The following GOLGA5 variants were observed in gnomAD, a reference collection of about 807,000 sequenced individuals.
The protein encoded by GOLGA5 is golgin A5.
In GOLGA5, 50 loss-of-function variants were observed where a neutral mutation model predicts 93.5. That is an observed-to-expected ratio of 0.53 (90% CI 0.43 to 0.68). The LOEUF (loss-of-function observed/expected upper bound fraction) is 0.68, where lower values mean the gene tolerates loss of function less well. Ranked by LOEUF, GOLGA5 falls within the 30% of genes least tolerant of loss-of-function variation. The pLI is 0.00. For synonymous variants in GOLGA5, 312 were observed against 304.5 expected (o/e 1.02, Z -0.26); for missense variants, 760 against 856.4 (o/e 0.89, Z 1.40).
At chr14:92,805,174 C>T (rs1884958785) in intron 2 of GOLGA5, among the ~76,000 whole-genome samples, 1 of 151,208 alleles carries the variant, frequency 6.6e-6, no homozygotes, top group African/African-American at 2.5e-5. Context: ...AATCTCCTCA[C>T]CCCGTCCCTG....
chr14:92,813,630 G>A (rs986949578), intron 6 of GOLGA5, among the ~76,000 whole-genome samples: 1 of 152,166 alleles, frequency 6.6e-6, no homozygotes, highest in Middle Eastern at 3.2e-3. Flanking sequence ...AAAGTTCAAC[G>A]GCAGGCAGAA....
intron 9 of GOLGA5, among the ~76,000 whole-genome samples, chr14:92,826,338 G>A (rs921069682): frequency 6.6e-6 from 1 of 150,706 alleles, no homozygotes; most frequent in Admixed American, 6.6e-5. Flanking sequence ...GATTTATTCT[G>A]AATGAACAAT....
At chr14:92,798,271 AT>A (rs1218881265) in intron 2 of GOLGA5, among the ~76,000 whole-genome samples, 2 of 152,196 alleles carry the variant, frequency 1.3e-5, no homozygotes, top group Non-Finnish European at 2.9e-5. Context: ...AAAAAAGAAA[AT>A]TTTGAAATCT....
intron 3 of GOLGA5, among the ~76,000 whole-genome samples, chr14:92,808,328 T>C (rs1885033291): frequency 6.6e-6 from 1 of 151,740 alleles, no homozygotes; most frequent in African/African-American, 2.4e-5. Context: ...CCCACACTAA[T>C]TTAGACATAG....
At chr14:92,831,188 C>A (rs1885523346) in intron 9 of GOLGA5, among the ~76,000 whole-genome samples, 1 of 152,128 alleles carries the variant, frequency 6.6e-6, no homozygotes, top group Admixed American at 6.5e-5. Context: ...AGCAGCACAA[C>A]CACTTTGGAA....
At chr14:92,798,113 G>A (rs1884778190) in intron 2 of GOLGA5, 132 bp downstream of exon 2, 3 of 667,548 alleles carry the variant, frequency 4.5e-6, no homozygotes, top group Admixed American at 2.7e-5. Context: ...CTCTGCAAAT[G>A]TGTGGTGTAA....
intron 1 of GOLGA5, 28 bp from the exon 2 acceptor site, chr14:92,797,380 C>A: frequency 7.6e-7 from 1 of 1,313,254 alleles, no homozygotes; most frequent in African/African-American, 1.5e-5. Flanking sequence ...CACTATGCCA[C>A]ACTGATCATT....
Position 92,833,236 on chromosome 14 carries a change from A to G in GOLGA5, c.1834A>G (p.Lys612Glu). 6.2e-7 allele frequency: 1 copy of G among 1,613,912 alleles called. No homozygotes were observed. The highest frequency in any genetic ancestry group is 8.5e-7 in the Non-Finnish European group (1 of 1,179,766). Reference sequence around the variant, plus strand: ...CATGCTGGAGAGTCTCAGCACAGAAAAGAACTCCCTGGTCTTTCAACTGGA... The same window carrying G: ...CATGCTGGAGAGTCTCAGCACAGAAGAGAACTCCCTGGTCTTTCAACTGGA... ...QTMLESLSTE[K>E]NSLVFQLERL... Residue 612 changes from lysine to glutamate, a missense_variant, in exon 10 of 13, where the codon AAG becomes GAG. Coordinates refer to ENST00000163416, the MANE Select transcript of GOLGA5 (RefSeq NM_005113.4).
At chr14:92,804,023 T>C (rs1382264349) in intron 2 of GOLGA5, among the ~76,000 whole-genome samples, 1 of 152,158 alleles carries the variant, frequency 6.6e-6, no homozygotes, top group Non-Finnish European at 1.5e-5. Flanking sequence ...TTTCCTCTTT[T>C]GTTAATTTTT....
chr14:92,835,411 C>T (rs577908867), intron 10 of GOLGA5, 148 bp from the exon 11 acceptor site: 24 of 465,690 alleles, frequency 5.2e-5, no homozygotes, highest in Non-Finnish European at 8.8e-5. Context: ...TTTACCTGTC[C>T]TTTCTTTATA....
chr14:92,808,696 C>T (rs1172928281), intron 3 of GOLGA5, among the ~76,000 whole-genome samples: 1 of 32,450 alleles, frequency 3.1e-5, no homozygotes, highest in Admixed American at 5.6e-4. Flanking sequence ...AGGTGTGTCT[C>T]ACTGGAAAAA....
Position 92,827,052 on chromosome 14 carries a change from G to GTA in GOLGA5, c.1719+2418_1719+2419dup, listed in dbSNP as rs141671842. 1.0e-3 allele frequency among the ~76,000 whole-genome samples: 153 copies of GTA among 152,108 alleles called. No homozygotes were observed. The East Asian group carries it at 0.027, about 27-fold the overall frequency. ...GAAATAATATTTACTTTCTCTCTCT[G>GTA]TATATATATATCTGATAAAGGATTT... On this transcript the variant is annotated intron_variant, in intron 9 of 12. Transcript: ENST00000163416.
At chr14:92,800,867 C>T (rs1277599834) in intron 2 of GOLGA5, among the ~76,000 whole-genome samples, 1 of 152,176 alleles carries the variant, frequency 6.6e-6, no homozygotes, top group Admixed American at 6.5e-5. Context: ...CTAAAGGGAA[C>T]CTCGTTGTCA....
intron 8 of GOLGA5, among the ~76,000 whole-genome samples, chr14:92,822,691 C>G (rs1351406766): frequency 2.0e-5 from 3 of 152,156 alleles, no homozygotes; most frequent in African/African-American, 7.2e-5. Context: ...GAGTGTCGCT[C>G]TGTTGCCCAG....
At chr14:92,835,363 G>T (rs1029699094) in intron 10 of GOLGA5, among the ~76,000 whole-genome samples, 196 bp from the exon 11 acceptor site, 2 of 152,144 alleles carry the variant, frequency 1.3e-5, no homozygotes, top group East Asian at 3.9e-4. Flanking sequence ...CTTTTTTCTT[G>T]TTGTGGATAT....
intron 2 of GOLGA5, among the ~76,000 whole-genome samples, chr14:92,798,414 A>G (rs1056792553): frequency 6.6e-6 from 1 of 152,128 alleles, no homozygotes; most frequent in African/African-American, 2.4e-5. Context: ...TTTTCCCCCC[A>G]CATCCTCCAC....
chr14:92,839,371 G>T lies in GOLGA5; in HGVS notation c.2121G>T (p.Leu707Phe). 6.2e-7 allele frequency: 1 copy of T among 1,610,836 alleles called. No individual in the cohort carries two copies. ...ATTGCTTTTTCTTTCTCTAGGCTTT[G>T]CTTCACCTCTGGGTCATGATTGTTC... Reference protein sequence around the residue: ...ARVFVIIYMALLHLWVMIVLL... With the variant: ...ARVFVIIYMAFLHLWVMIVLL... The change falls in exon 13 of 13, where the codon TTG (leucine) becomes TTT (phenylalanine). Residue 707 changes from leucine (L) to phenylalanine (F), a missense_variant. By Grantham distance (22) the Leu-to-Phe change is conservative. Coordinates refer to ENST00000163416, the MANE Select transcript of GOLGA5 (RefSeq NM_005113.4).
intron 12 of GOLGA5, among the ~76,000 whole-genome samples, chr14:92,839,000 A>G (rs935894224): frequency 3.9e-5 from 6 of 152,228 alleles, no homozygotes; most frequent in African/African-American, 1.2e-4. Flanking sequence ...TTCACCGAAC[A>G]TTGGTTAAAC....
At chr14:92,830,323 CA>C (rs746184908) in intron 9 of GOLGA5, among the ~76,000 whole-genome samples, 16 of 151,870 alleles carry the variant, frequency 1.1e-4, no homozygotes, top group Non-Finnish European at 2.2e-4. Context: ...GTCTCAAAAA[CA>C]AAAGCAAGCT....
Sources: gnomAD v4.1 joint callset for allele counts (sites outside exome capture counted in the v4.1 genomes callset) on GRCh38, gnomAD v4.1.1 for gene constraint, MANE v1.5 for transcripts, NCBI Gene and HGNC (gene_info 2026-07-23, HGNC 2026-07-21) for gene names.